The following CSMD1 variants were observed in gnomAD, a reference collection of about 807,000 sequenced individuals.
The protein encoded by CSMD1 is CUB and sushi domain-containing protein 1.
CSMD1 carries 213 observed loss-of-function variants against 417.5 expected under a neutral mutation model. The ratio of observed to expected loss-of-function variants is 0.51; its 90% CI spans 0.46 to 0.57. CSMD1 has a LOEUF of 0.57. CSMD1 is among the 20% of genes least tolerant of loss of function. CSMD1 has a pLI of 0.00. For missense variants in CSMD1, 6,923 were observed against 4,529.7 expected, an observed-to-expected ratio of 1.53 and a Z score of -15.17; for synonymous variants, 2,862 against 1,736.8, an observed-to-expected ratio of 1.65 and a Z score of -16.11.
At chr8:3,769,890 C>A (rs1460636529) in intron 5 of CSMD1, among the ~76,000 whole-genome samples, 1 of 152,180 alleles carries the variant, frequency 6.6e-6, no homozygotes, top group Non-Finnish European at 1.5e-5. Flanking sequence ...GGATGTAGCT[C>A]TTCAGGACTT....
intron 5 of CSMD1, among the ~76,000 whole-genome samples, chr8:3,760,765 A>C (rs533417652): frequency 1.3e-5 from 2 of 152,294 alleles, no homozygotes; most frequent in South Asian, 4.1e-4. Flanking sequence ...TCATCAGAGA[A>C]ATGTCTGGGG....
chr8:3,583,117 T>C (rs1800451432), intron 9 of CSMD1, among the ~76,000 whole-genome samples: 1 of 152,080 alleles, frequency 6.6e-6, no homozygotes. Flanking sequence ...CATCCCTATC[T>C]TTCCTTCCTA....
intron 1 of CSMD1, among the ~76,000 whole-genome samples, chr8:4,986,971 A>C (rs955102946): frequency 6.6e-6 from 1 of 152,214 alleles, no homozygotes; most frequent in Middle Eastern, 3.2e-3. Context: ...AATATATAAT[A>C]CATAGATAAT....
intron 37 of CSMD1, among the ~76,000 whole-genome samples, chr8:3,180,351 G>A (rs1262903642): frequency 2.0e-5 from 3 of 152,094 alleles, no homozygotes; most frequent in East Asian, 3.9e-4. Flanking sequence ...TGCAGGCTCC[G>A]GAGCAACAGC....
At chr8:4,731,301 C>G (rs1809850173) in intron 1 of CSMD1, among the ~76,000 whole-genome samples, 1 of 152,144 alleles carries the variant, frequency 6.6e-6, no homozygotes, top group Admixed American at 6.5e-5. Context: ...TGGGATCCGT[C>G]TTTGGAATCA....
intron 20 of CSMD1, among the ~76,000 whole-genome samples, chr8:3,365,718 T>C (rs1809517166): frequency 6.6e-6 from 1 of 152,214 alleles, no homozygotes; most frequent in Non-Finnish European, 1.5e-5. Flanking sequence ...AGGCTATTAG[T>C]AGTTAAGTTT....
chr8:4,365,606 T>C (rs927098164), intron 3 of CSMD1, among the ~76,000 whole-genome samples: 8 of 152,222 alleles, frequency 5.3e-5, no homozygotes, highest in African/African-American at 1.9e-4. Context: ...TCTGTCTTTG[T>C]ACTTGATTTG....
chr8:3,968,566 A>T (rs1426278299), intron 5 of CSMD1, among the ~76,000 whole-genome samples: 1 of 152,342 alleles, frequency 6.6e-6, no homozygotes, highest in African/African-American at 2.4e-5. Context: ...TTGAACAATA[A>T]CCAAGAGAAC....
intron 3 of CSMD1, among the ~76,000 whole-genome samples, chr8:4,382,784 G>A (rs1201347666): frequency 3.3e-5 from 5 of 152,144 alleles, no homozygotes; most frequent in Non-Finnish European, 7.3e-5. Context: ...AAATAATAAT[G>A]ATGGCCCCTC....
chr8:3,206,487 T>TGC (rs1797283298), intron 30 of CSMD1, among the ~76,000 whole-genome samples: 1 of 120,910 alleles, frequency 8.3e-6, no homozygotes, highest in Non-Finnish European at 1.7e-5. Context: ...TGCGTGTATG[T>TGC]GTGTGTGGGT....
At chr8:3,984,753 T>A (rs2688389) in intron 5 of CSMD1, among the ~76,000 whole-genome samples, 2,827 of 57,918 alleles carry the variant, frequency 0.049, 207 homozygotes, top group Non-Finnish European at 0.059. Context: ...ATATATATAT[T>A]TGTATGTATT....
At chr8:4,825,466 T>C (rs28644364) in intron 1 of CSMD1, among the ~76,000 whole-genome samples, 33,830 of 152,050 alleles carry the variant, frequency 0.22, 4,052 homozygotes, top group Non-Finnish European at 0.27. Flanking sequence ...GTTTGCATGA[T>C]TGAAACTTTA....
At chr8:3,798,878 A>T (rs1045502695) in intron 5 of CSMD1, among the ~76,000 whole-genome samples, 2 of 152,086 alleles carry the variant, frequency 1.3e-5, no homozygotes, top group African/African-American at 2.4e-5. Flanking sequence ...GTTCATACAG[A>T]CATAGTCAAG....
At chr8:4,604,782 T>G (rs1223958949) in intron 2 of CSMD1, among the ~76,000 whole-genome samples, 1 of 152,208 alleles carries the variant, frequency 6.6e-6, no homozygotes, top group Non-Finnish European at 1.5e-5. Context: ...TGAATATAGA[T>G]CTACTTCTTC....
intron 7 of CSMD1, among the ~76,000 whole-genome samples, chr8:3,669,952 G>A (rs1378761301): frequency 1.3e-5 from 2 of 152,076 alleles, no homozygotes; most frequent in Admixed American, 6.6e-5. Flanking sequence ...CACACCCAAG[G>A]ATATAATTTA....
intron 6 of CSMD1, among the ~76,000 whole-genome samples, chr8:3,752,361 A>G (rs1797384703): frequency 6.6e-6 from 1 of 152,084 alleles, no homozygotes; most frequent in African/African-American, 2.4e-5. Context: ...TGAAGTCTAA[A>G]ATATATTTTG....
intron 2 of CSMD1, among the ~76,000 whole-genome samples, chr8:4,529,576 C>A (rs1279306148): frequency 6.6e-6 from 1 of 151,166 alleles, no homozygotes. Flanking sequence ...CTTACATAAG[C>A]AAAAGCTCCT....
intron 1 of CSMD1, among the ~76,000 whole-genome samples, chr8:4,932,326 T>G (rs1424467366): frequency 1.9e-5 from 2 of 107,456 alleles, no homozygotes; most frequent in Non-Finnish European, 3.9e-5. Flanking sequence ...ACTACACACT[T>G]GACATATTTC....
intron 57 of CSMD1, among the ~76,000 whole-genome samples, chr8:2,968,375 T>G (rs1008841115): frequency 1.3e-5 from 2 of 152,246 alleles, no homozygotes; most frequent in East Asian, 3.8e-4. Context: ...TTCAATTGTA[T>G]GTCTAAATCT....
Sources: gnomAD v4.1 joint callset for allele counts (sites outside exome capture counted in the v4.1 genomes callset) on GRCh38, gnomAD v4.1.1 for gene constraint, MANE v1.5 for transcripts, NCBI Gene and HGNC (gene_info 2026-07-23, HGNC 2026-07-21) for gene names.